CD274: variants seen among roughly 807,000 people sequenced by gnomAD.
CD274 encodes the protein programmed cell death 1 ligand 1.
Under a neutral mutation model 30.1 loss-of-function variants are expected in CD274, and 8 were observed. The ratio of observed to expected loss-of-function variants is 0.27; its 90% CI spans 0.16 to 0.48. The LOEUF (loss-of-function observed/expected upper bound fraction) is 0.48, where lower values mean the gene tolerates loss of function less well. Among genes scored for constraint, CD274 ranks in the 20% least tolerant of loss-of-function variants. The pLI, the probability that CD274 is intolerant of heterozygous loss-of-function variation, is 0.99. For missense variants in CD274, 353 were observed against 346.6 expected (o/e 1.02, Z -0.15); for synonymous variants, 152 against 124.6 (o/e 1.22, Z -1.46).
intron 1 of CD274, among the ~76,000 whole-genome samples, chr9:5,454,875 ATAT>A (rs1819273017): frequency 6.6e-6 from 1 of 152,106 alleles, no homozygotes; most frequent in African/African-American, 2.4e-5. Flanking sequence ...TTCATATCTT[ATAT>A]TTTTTATTGT....
At chr9:5,460,752 G>A (rs566294406) in intron 3 of CD274, among the ~76,000 whole-genome samples, 72 of 152,170 alleles carry the variant, frequency 4.7e-4, no homozygotes, top group Non-Finnish European at 6.9e-4. Context: ...GGTTTTGATT[G>A]TCCAACATTA....
At chr9:5,452,565 A>G (rs1042488971) in intron 1 of CD274, among the ~76,000 whole-genome samples, 6 of 152,202 alleles carry the variant, frequency 3.9e-5, no homozygotes, top group African/African-American at 1.2e-4. Context: ...TCTTAGACCA[A>G]CTGCCCTGAT....
At position 5,470,300 on chromosome 9, in the gene CD274, T is replaced by C. The variant is rs866485009; in HGVS notation, c.*2438T>C. 1 of 232,410 alleles carries C rather than the reference T, an allele frequency of 4.3e-6. No homozygotes were observed. Among genetic ancestry groups the C allele is most frequent in the African/African-American group, 2.2e-5 (1 of 45,306 alleles). The allele number at this position is 232,410 out of a possible 1,614,324, so 14.4% of individuals were successfully genotyped here. On this transcript the variant is annotated 3_prime_UTR_variant, in exon 7 of 7. Coordinates refer to ENST00000381577, the MANE Select transcript of CD274 (RefSeq NM_014143.4). ...AAGAATTGTGGCTGAGCAAGGCACATAGTCTACTCAGTCTATTCCTAAGTC... is the reference window on the plus strand; with the variant it reads ...AAGAATTGTGGCTGAGCAAGGCACACAGTCTACTCAGTCTATTCCTAAGTC...
chr9:5,451,213 G>A (rs564319476), intron 1 of CD274, among the ~76,000 whole-genome samples: 16 of 152,076 alleles, frequency 1.1e-4, no homozygotes, highest in Non-Finnish European at 1.9e-4. Context: ...AGGAGTAAAA[G>A]TACCATTGTT....
intron 3 of CD274, 100 bp downstream of exon 3, chr9:5,457,520 G>T: frequency 1.1e-6 from 1 of 880,650 alleles, no homozygotes; most frequent in South Asian, 1.7e-5. Context: ...TTTTCAAACA[G>T]AACAGCATAG....
At position 5,467,697 on chromosome 9, in the gene CD274, C is replaced by A. The variant is rs1477747354; in HGVS notation, c.851-143C>A. On this transcript the variant is annotated intron_variant, in intron 6 of 6. Transcript: ENST00000381577. Reference sequence around the variant, plus strand: ...GATATCATGTAAGGATAATTGGGTACAAATATAACCTGCTGCTTTCTCTCA... The same window carrying A: ...GATATCATGTAAGGATAATTGGGTAAAAATATAACCTGCTGCTTTCTCTCA... 4 of 772,804 alleles carry A rather than the reference C, an allele frequency of 5.2e-6. No homozygotes were observed. The African/African-American group carries it at 5.2e-5, about 10-fold the overall frequency. 47.9% of individuals were successfully genotyped at this position (772,804 alleles called of 1,614,324 possible).
intron 4 of CD274, 25 bp downstream of exon 4, chr9:5,463,146 A>T (rs567410936): frequency 1.3e-6 from 2 of 1,587,536 alleles, no homozygotes; most frequent in East Asian, 4.5e-5. Flanking sequence ...GTGTCCATTA[A>T]AATATGTCTA....
rs2131223635 is a variant in CD274 at position 5,462,961 on chromosome 9, C to T, written c.522C>T (p.Val174=). Residue 174 remains valine (V), a synonymous_variant, in exon 4 of 7, where the codon GTC becomes GTT. Transcript: ENST00000381577. ...TCTGGACAAGCAGTGACCATCAAGT[C>T]CTGAGTGGTAAGACCACCACCACCA... ...EVIWTSSDHQ[V]LSGKTTTTNS... is the part of the protein sequence containing the mutation. The T allele has an allele frequency of 6.2e-7, 1 of 1,614,030 alleles. No individual in the cohort carries two copies. The highest frequency in any genetic ancestry group is 1.1e-5 in the South Asian group (1 of 91,082).
intron 4 of CD274, among the ~76,000 whole-genome samples, chr9:5,464,494 C>G (rs1008879553): frequency 6.6e-6 from 1 of 152,116 alleles, no homozygotes; most frequent in Non-Finnish European, 1.5e-5. Context: ...AGAGCTGAGC[C>G]AGGCAGGAGC....
At chr9:5,455,277 CTT>C in intron 1 of CD274, among the ~76,000 whole-genome samples, 1 of 152,254 alleles carries the variant, frequency 6.6e-6, no homozygotes, top group South Asian at 2.1e-4. Flanking sequence ...AGGAGAGTGA[CTT>C]TTCTTTCACT....
At chr9:5,463,486 G>A (rs991872450) in intron 4 of CD274, among the ~76,000 whole-genome samples, 1 of 152,162 alleles carries the variant, frequency 6.6e-6, no homozygotes, top group Non-Finnish European at 1.5e-5. Context: ...GGGAAACCTG[G>A]GGAATACCTG....
chr9:5,458,720 A>C (rs1819350295), intron 3 of CD274, among the ~76,000 whole-genome samples: 1 of 152,214 alleles, frequency 6.6e-6, no homozygotes, highest in South Asian at 2.1e-4. Context: ...AGGTAATGCC[A>C]CTATTGTCAA....
intron 1 of CD274, among the ~76,000 whole-genome samples, chr9:5,452,962 A>T: frequency 6.6e-6 from 1 of 151,998 alleles, no homozygotes; most frequent in East Asian, 1.9e-4. Context: ...AATAATCATA[A>T]AATATCACAT....
chr9:5,454,253 A>G (rs905472503), intron 1 of CD274, among the ~76,000 whole-genome samples: 2 of 152,172 alleles, frequency 1.3e-5, no homozygotes, highest in African/African-American at 2.4e-5. Context: ...AACACCAAAA[A>G]AAATCCATAA....
chr9:5,452,110 G>A (rs1227876902), intron 1 of CD274, among the ~76,000 whole-genome samples: 9 of 142,614 alleles, frequency 6.3e-5, no homozygotes, highest in African/African-American at 1.3e-4. Flanking sequence ...ACTGCCTCCC[G>A]GGTTCAAGTG....
chr9:5,451,561 C>T (rs1453990233), intron 1 of CD274, among the ~76,000 whole-genome samples: 1 of 152,178 alleles, frequency 6.6e-6, no homozygotes, highest in East Asian at 1.9e-4. Context: ...CAATGACAGT[C>T]GTCAACAGTA....
intron 5 of CD274, 31 bp downstream of exon 5, chr9:5,465,637 C>T (rs780617203): frequency 7.7e-7 from 1 of 1,301,384 alleles, no homozygotes; most frequent in South Asian, 1.2e-5. Context: ...GTGGTCTCCA[C>T]TGGGGGTGAG....
At chr9:5,461,255 G>C (rs1203959560) in intron 3 of CD274, among the ~76,000 whole-genome samples, 1 of 152,094 alleles carries the variant, frequency 6.6e-6, no homozygotes, top group Non-Finnish European at 1.5e-5. Context: ...GGTTGTGCTT[G>C]AATTATTAGT....
In CD274 at chr9:5,468,769, C is replaced by G. The variant is rs1234509686; in HGVS notation, c.*907C>G. On this transcript the variant is annotated 3_prime_UTR_variant, in exon 7 of 7. Coordinates refer to ENST00000381577, the MANE Select transcript of CD274 (RefSeq NM_014143.4). ...AAGCAAACAGATTAAGTAACTTGCC[C>G]AAACCAGTAAATAGCAGACCTCAGA... is the stretch of plus-strand genomic sequence containing the variant. The G allele has an allele frequency of 2.1e-5, 5 of 233,066 alleles. No individual in the cohort carries two copies. In the East Asian group the frequency reaches 3.0e-4, roughly 14 times the overall value. 14.4% of individuals were successfully genotyped at this position (233,066 alleles called of 1,614,324 possible). A position where few individuals can be genotyped will look rare whatever the true frequency, so the allele number is the denominator to read the frequency against.
Sources: allele counts gnomAD v4.1 joint callset (sites outside exome capture counted in the v4.1 genomes callset), GRCh38; gene constraint gnomAD v4.1.1; transcripts MANE v1.5; gene names NCBI Gene and HGNC (gene_info 2026-07-23, HGNC 2026-07-21).